LACTBL1: variants seen among roughly 807,000 people sequenced by gnomAD.
LACTBL1 encodes the protein lactamase beta like 1.
Under a neutral mutation model 39.6 loss-of-function variants are expected in LACTBL1, and 29 were observed. The ratio of observed to expected loss-of-function variants is 0.73; its 90% confidence interval spans 0.55 to 1.00. The LOEUF is 1.00. LACTBL1 is among the 50% of genes least tolerant of loss of function. The pLI is 0.00. For synonymous variants in LACTBL1, 361 were observed against 360.7 expected (o/e 1.00, Z -0.01); for missense variants, 711 against 748.5 (o/e 0.95, Z 0.59).
intron 4 of LACTBL1, among the ~76,000 whole-genome samples, chr1:22,956,824 TA>T (rs937848201): frequency 2.0e-5 from 3 of 152,112 alleles, no homozygotes; most frequent in Non-Finnish European, 4.4e-5. Flanking sequence ...TTTATGATTA[TA>T]AAATAATTTA....
upstream of LACTBL1, among the ~76,000 whole-genome samples, chr1:22,968,790 G>A (rs541717021): frequency 2.6e-5 from 4 of 152,280 alleles, no homozygotes; most frequent in South Asian, 8.3e-4. Flanking sequence ...CGATAATAGT[G>A]CCTAACTCAT....
At chr1:22,955,520 G>C in intron 4 of LACTBL1, 94 bp from the exon 7 acceptor site, 1 of 752,276 alleles carries the variant, frequency 1.3e-6, no homozygotes. Flanking sequence ...CGTGAGTTGA[G>C]AGATAACAAC....
At chr1:22,967,427 C>G (rs1389803736), upstream of LACTBL1, among the ~76,000 whole-genome samples, 2 of 151,666 alleles carry the variant, frequency 1.3e-5, no homozygotes, top group Non-Finnish European at 2.9e-5. Context: ...ACCTGTGGTC[C>G]CAGCTACTCG....
At chr1:22,953,184 G>C (rs2124220060) in exon 6 of LACTBL1, 3 of 1,232,156 alleles carry the variant, frequency 2.4e-6, no homozygotes, top group South Asian at 4.1e-5. Flanking sequence ...CCTCGAGCGA[G>C]AGCCACGCGT....
exon 6 of LACTBL1, chr1:22,953,377 G>C: frequency 8.1e-7 from 1 of 1,228,540 alleles, no homozygotes; most frequent in Non-Finnish European, 1.0e-6. Context: ...GGTCAGGTTG[G>C]CGAAGGTGAA....
At chr1:22,959,849 G>T in intron 3 of LACTBL1, 93 bp downstream of exon 5, 3 of 1,419,540 alleles carry the variant, frequency 2.1e-6, no homozygotes, top group Non-Finnish European at 2.9e-6. Context: ...TTAGACCCCA[G>T]CCATGATTCT....
upstream of LACTBL1, among the ~76,000 whole-genome samples, chr1:22,968,255 G>A (rs372880916): frequency 1.4e-4 from 21 of 152,204 alleles, no homozygotes; most frequent in African/African-American, 4.6e-4. Flanking sequence ...GTTAGAGCCC[G>A]GGGCCAGACT....
At chr1:22,963,712 G>A (rs760214890) in intron 1 of LACTBL1, among the ~76,000 whole-genome samples, 28 of 152,204 alleles carry the variant, frequency 1.8e-4, no homozygotes, top group Admixed American at 3.9e-4. Context: ...TGGCTTCCTC[G>A]GCACCTCAGG....
chr1:22,967,140 G>C (rs1194949964), upstream of LACTBL1, among the ~76,000 whole-genome samples: 1 of 152,096 alleles, frequency 6.6e-6, no homozygotes, highest in Non-Finnish European at 1.5e-5. Context: ...AGGCCAAGGC[G>C]GGTGGATCAC....
intron 3 of LACTBL1, among the ~76,000 whole-genome samples, chr1:22,959,262 A>G (rs1640791975): frequency 6.6e-6 from 1 of 152,164 alleles, no homozygotes; most frequent in Non-Finnish European, 1.5e-5. Flanking sequence ...ATTCAGTTTC[A>G]TTGTCTGCTT....
chr1:22,953,884 G>A (rs1301613709), exon 6 of LACTBL1: 53 of 1,549,632 alleles, frequency 3.4e-5, no homozygotes, highest in Non-Finnish European at 4.5e-5. Context: ...GCGCACGTCG[G>A]GCGTGAGGTC....
chr1:22,971,494 C>G, the LACTBL1 span, among the ~76,000 whole-genome samples: 2 of 138,868 alleles, frequency 1.4e-5, no homozygotes, highest in Non-Finnish European at 3.2e-5. Context: ...CCACCTATAA[C>G]ACGGCTCCAC....
rs555084429 is a variant in LACTBL1 at position 22,953,362 on chromosome 1, TAGA to T, written c.1319_1321del (p.Phe440del). 187 of 1,228,364 alleles carry T rather than the reference TAGA, an allele frequency of 1.5e-4. No homozygotes were observed. The African/African-American group carries it at 2.1e-3, about 14-fold the overall frequency. 76.1% of individuals were successfully genotyped at this position (1,228,364 alleles called of 1,614,324 possible). On this transcript the variant is annotated inframe_deletion, in exon 6 of 6. Transcript: ENST00000426928. ...GCCCGCCGGCCCGGCGCGCACCTCG[TAGA>T]AGGTCAGGTTGGCGAAGGTGAAGTA...
At chr1:22,954,407 A>G (rs1640742043) in intron 5 of LACTBL1, among the ~76,000 whole-genome samples, 1 of 152,204 alleles carries the variant, frequency 6.6e-6, no homozygotes, top group Non-Finnish European at 1.5e-5. Context: ...ACCATGTATG[A>G]GGCAAGGTCT....
the LACTBL1 span, chr1:22,972,193 A>AT: frequency 9.0e-6 from 2 of 223,260 alleles, no homozygotes; most frequent in African/African-American, 2.6e-5. Context: ...ATGATGATGA[A>AT]GGTAACGTGG....
At chr1:22,961,060 G>A (rs1432747823) in intron 2 of LACTBL1, among the ~76,000 whole-genome samples, 1 of 152,050 alleles carries the variant, frequency 6.6e-6, no homozygotes, top group Non-Finnish European at 1.5e-5. Flanking sequence ...GATTACAGGT[G>A]TGAGCCGCCT....
intron 2 of LACTBL1, among the ~76,000 whole-genome samples, chr1:22,961,022 T>C (rs1257222722): frequency 6.6e-6 from 1 of 152,040 alleles, no homozygotes; most frequent in Admixed American, 6.6e-5. Context: ...TCAAGCAGTC[T>C]TCCCACCTCA....
chr1:22,971,067 C>T, the LACTBL1 span, among the ~76,000 whole-genome samples: 2 of 152,288 alleles, frequency 1.3e-5, no homozygotes, highest in East Asian at 3.9e-4. Context: ...GGGAAGGCAG[C>T]CTGCTATCCC....
At chr1:22,971,984 T>C in the LACTBL1 span, among the ~76,000 whole-genome samples, 40 of 152,152 alleles carry the variant, frequency 2.6e-4, no homozygotes, top group Admixed American at 5.9e-4. Context: ...AGAGAGTCAT[T>C]GAACAGGTAG....
Sources: gnomAD v4.1 joint callset for allele counts (sites outside exome capture counted in the v4.1 genomes callset) on GRCh38, gnomAD v4.1.1 for gene constraint, MANE v1.5 for transcripts, NCBI Gene and HGNC (gene_info 2026-07-23, HGNC 2026-07-21) for gene names.